TMEM9: variants seen among roughly 807,000 people sequenced by gnomAD.
The protein encoded by TMEM9 is proton-transporting V-type ATPase complex assembly regulator TMEM9.
A neutral mutation model predicts 22.8 loss-of-function variants in TMEM9; 13 were observed. The observed-to-expected ratio is 0.57, with a 90% CI of 0.37 to 0.91. TMEM9 has a LOEUF of 0.91. Ranked by LOEUF, TMEM9 falls within the 40% of genes least tolerant of loss-of-function variation. The probability of loss-of-function intolerance (pLI) is 0.01; values close to 1 mark genes in which losing one functional copy is unlikely to be tolerated. For missense variants in TMEM9, 182 were observed against 238.1 expected (o/e 0.76, Z 1.55); for synonymous variants, 88 against 93.0 (o/e 0.95, Z 0.31).
intron 1 of TMEM9, among the ~76,000 whole-genome samples, chr1:201,166,553 G>A (rs1287536051): frequency 6.6e-6 from 1 of 151,700 alleles, no homozygotes; most frequent in Non-Finnish European, 1.5e-5. Context: ...AGTAGAGACG[G>A]GGTTTTGTCA....
intron 1 of TMEM9, 79 bp downstream of exon 1, chr1:201,153,779 C>T (rs987063835): frequency 6.3e-7 from 1 of 1,598,380 alleles, no homozygotes. Context: ...GAGCAGCTGG[C>T]TACCTCTGAG....
chr1:201,165,153 TATATA>T (rs1558122161), intron 1 of TMEM9, among the ~76,000 whole-genome samples: 115 of 107,044 alleles, frequency 1.1e-3, no homozygotes, highest in African/African-American at 2.1e-3. Context: ...GAGAAAATTA[TATATA>T]TATATATATA....
chr1:201,144,132 T>G (rs1344410535), intron 3 of TMEM9, 181 bp from the exon 4 acceptor site: 9 of 605,820 alleles, frequency 1.5e-5, no homozygotes, highest in Non-Finnish European at 2.3e-5. Context: ...GGGAGGGCCC[T>G]ACTCCACAGA....
chr1:201,139,469 A>G (rs1406559131), intron 4 of TMEM9, among the ~76,000 whole-genome samples: 2 of 151,884 alleles, frequency 1.3e-5, no homozygotes, highest in African/African-American at 4.8e-5. Context: ...CCTATGACAC[A>G]CCAACTCATG....
chr1:201,149,531 G>C (rs1404981646), intron 2 of TMEM9, among the ~76,000 whole-genome samples: 2 of 152,210 alleles, frequency 1.3e-5, no homozygotes, highest in African/African-American at 4.8e-5. Context: ...CCCACCAATG[G>C]GGCAAAGCTG....
At chr1:201,142,624 C>A (rs1295786820) in intron 4 of TMEM9, among the ~76,000 whole-genome samples, 1 of 152,222 alleles carries the variant, frequency 6.6e-6, no homozygotes, top group Non-Finnish European at 1.5e-5. Context: ...CTAGCTGAGG[C>A]GCTTCCCGAC....
In TMEM9 at chr1:201,153,917, G is replaced by A. The variant is rs1665639244; in HGVS notation, c.7C>T (p.Leu3Phe). The A allele has an allele frequency of 6.2e-7, 1 of 1,611,586 alleles. No individual in the cohort carries two copies. The highest frequency in any genetic ancestry group is 1.3e-5 in the African/African-American group (1 of 74,934). MK[L>F]LSLVAVVGCL... ...CCGACCACAGCCACCAAAGATAAGA[G>A]CTTCATGCTTATCAGGCTTGCTGGG... The change falls in exon 1 of 5, where the codon CTC (leucine) becomes TTC (phenylalanine). Residue 3 changes from leucine (L) to phenylalanine (F), a missense_variant. Leu to Phe is a conservative substitution (Grantham distance 22). Transcript: ENST00000367330.
upstream of TMEM9, among the ~76,000 whole-genome samples, chr1:201,157,467 T>C (rs941193296): frequency 6.6e-6 from 1 of 152,214 alleles, no homozygotes; most frequent in African/African-American, 2.4e-5. Flanking sequence ...TGCAGCCCAA[T>C]CTTTGAGGCT....
At chr1:201,142,032 A>G (rs1033698259) in intron 4 of TMEM9, among the ~76,000 whole-genome samples, 1 of 152,168 alleles carries the variant, frequency 6.6e-6, no homozygotes, top group East Asian at 1.9e-4. Flanking sequence ...CTCCTCCCCT[A>G]TCAGAGCTGC....
chr1:201,146,477 G>A, intron 3 of TMEM9: 2 of 563,196 alleles, frequency 3.6e-6, no homozygotes, highest in East Asian at 6.1e-5. Flanking sequence ...AAAGAATGCA[G>A]GGAAAAAGGA....
intron 1 of TMEM9, among the ~76,000 whole-genome samples, chr1:201,161,851 C>T (rs1339363346): frequency 1.3e-5 from 2 of 152,176 alleles, no homozygotes; most frequent in African/African-American, 4.8e-5. Flanking sequence ...AGCAATTTTC[C>T]TCTAAATAAA....
intron 4 of TMEM9, among the ~76,000 whole-genome samples, chr1:201,140,704 G>A (rs959945441): frequency 1.1e-4 from 16 of 152,202 alleles, no homozygotes; most frequent in East Asian, 3.9e-4. Context: ...CTTCTGGGGC[G>A]TAGGGCCTGA....
intron 2 of TMEM9, among the ~76,000 whole-genome samples, chr1:201,147,286 G>T (rs769033918): frequency 1.3e-5 from 2 of 152,112 alleles, no homozygotes; most frequent in Non-Finnish European, 2.9e-5. Context: ...TAGAGACCAT[G>T]AACTCTACAC....
chr1:201,140,927 T>C (rs1005602778), intron 4 of TMEM9, among the ~76,000 whole-genome samples: 3 of 152,052 alleles, frequency 2.0e-5, no homozygotes, highest in African/African-American at 7.2e-5. Context: ...CTCTGTGCAC[T>C]GAGAGGGGCA....
chr1:201,166,070 T>G (rs895099544), intron 1 of TMEM9, among the ~76,000 whole-genome samples: 5 of 152,186 alleles, frequency 3.3e-5, no homozygotes, highest in African/African-American at 4.8e-5. Flanking sequence ...CAGTATTGCA[T>G]GTAGCCCCCT....
At chr1:201,143,104 C>T (rs1049915796) in intron 4 of TMEM9, among the ~76,000 whole-genome samples, 8 of 152,242 alleles carry the variant, frequency 5.3e-5, no homozygotes, top group Admixed American at 2.0e-4. Flanking sequence ...CCTGCCAGCT[C>T]CCCACCATTG....
At chr1:201,171,548 G>T (rs1666211522) in exon 1 of TMEM9, 1 of 152,222 alleles carries the variant, frequency 6.6e-6, no homozygotes, top group Non-Finnish European at 1.5e-5. Flanking sequence ...TCCTGCTCTC[G>T]GGTGCATTGT....
rs549384415 is a variant in TMEM9 at position 201,142,457 on chromosome 1, G to T, written c.399+1363C>A. Reference sequence around the variant, plus strand: ...CACGCTGTCTACAGGAAGACTCCCAGCCTCCTCCTCATATTGTGTTAAATC... The same window carrying T: ...CACGCTGTCTACAGGAAGACTCCCATCCTCCTCCTCATATTGTGTTAAATC... On this transcript the variant is annotated intron_variant, in intron 4 of 4. Coordinates refer to ENST00000367330, the MANE Select transcript of TMEM9 (RefSeq NM_001288565.2). Among the ~76,000 whole-genome samples the T allele has an allele frequency of 2.0e-5, 3 of 152,276 alleles. No individual in the cohort carries two copies. The South Asian group carries it at 6.2e-4, about 32-fold the overall frequency.
At chr1:201,152,235 C>T (rs1189373883) in intron 1 of TMEM9, among the ~76,000 whole-genome samples, 2 of 152,032 alleles carry the variant, frequency 1.3e-5, no homozygotes, top group East Asian at 1.9e-4. Flanking sequence ...GTCCAGTGGA[C>T]TTGGCAGCCA....
Sources: gnomAD v4.1 joint callset for allele counts (sites outside exome capture counted in the v4.1 genomes callset) on GRCh38, gnomAD v4.1.1 for gene constraint, MANE v1.5 for transcripts, NCBI Gene and HGNC (gene_info 2026-07-23, HGNC 2026-07-21) for gene names.